The following POLR3A variants were observed in gnomAD, a reference collection of about 807,000 sequenced individuals.
POLR3A encodes DNA-directed RNA polymerase III subunit RPC1.
Under a neutral mutation model 152.8 loss-of-function variants are expected in POLR3A, and 112 were observed. The observed-to-expected ratio is 0.73, with a 90% confidence interval of 0.63 to 0.86. The LOEUF is 0.86. Ranked by LOEUF, POLR3A falls within the 40% of genes least tolerant of loss-of-function variation. POLR3A has a pLI of 0.00. For synonymous variants in POLR3A, 615 were observed against 652.1 expected (o/e 0.94, Z 0.87); for missense variants, 1,385 against 1,743.1 (o/e 0.79, Z 3.66).
intron 20 of POLR3A, 59 bp from the exon 21 acceptor site, chr10:77,991,226 A>C (rs926912018): frequency 9.7e-6 from 9 of 928,388 alleles, no homozygotes; most frequent in Non-Finnish European, 1.6e-5. Flanking sequence ...AGGCGGTAGT[A>C]GATGAGAGAA....
chr10:77,985,834 A>C (rs1425175522), intron 23 of POLR3A, 69 bp downstream of exon 23: 5 of 1,157,570 alleles, frequency 4.3e-6, no homozygotes, highest in Non-Finnish European at 6.5e-6. Context: ...TTTTGTACAC[A>C]TGGGGAAACA....
chr10:77,991,274 T>G, intron 20 of POLR3A, 107 bp from the exon 21 acceptor site: 1 of 720,184 alleles, frequency 1.4e-6, no homozygotes, highest in Non-Finnish European at 2.5e-6. Context: ...AAGGTGAGCT[T>G]TTAGCAACCT....
intron 23 of POLR3A, 85 bp downstream of exon 23, chr10:77,985,818 G>T: frequency 1.0e-6 from 1 of 993,408 alleles, no homozygotes; most frequent in Non-Finnish European, 1.6e-6. Flanking sequence ...GTGAGCTGGT[G>T]CAGGGTTTTG....
At chr10:78,025,513 G>T (rs1328065856) in intron 3 of POLR3A, 109 bp downstream of exon 3, 2 of 1,011,072 alleles carry the variant, frequency 2.0e-6, no homozygotes, top group Non-Finnish European at 3.1e-6. Context: ...TAGTATAAAA[G>T]AGTCCCCTAG....
At chr10:78,018,845 C>A (rs1219323092) in intron 9 of POLR3A, among the ~76,000 whole-genome samples, 1 of 152,156 alleles carries the variant, frequency 6.6e-6, no homozygotes, top group Non-Finnish European at 1.5e-5. Context: ...CTTGGCCTCA[C>A]AAAGTGCTGG....
In POLR3A at chr10:78,013,667, C is replaced by A. The variant is rs1048632422; in HGVS notation, c.1555G>T (p.Ala519Ser). The A allele has an allele frequency of 6.2e-7, 1 of 1,613,972 alleles. No individual in the cohort carries two copies. The highest frequency in any genetic ancestry group is 1.3e-5 in the African/African-American group (1 of 74,900). The change falls in exon 11 of 31, where the codon GCC (alanine) becomes TCC (serine). Residue 519 changes from alanine (A) to serine (S), a missense_variant. By Grantham distance (99) the Ala-to-Ser change is moderately conservative (BLOSUM62 1). This residue lies in a region of POLR3A where 493 missense variants were observed against 647.5 expected (regional missense o/e 0.76). Coordinates refer to ENST00000372371, the MANE Select transcript of POLR3A (RefSeq NM_007055.4). ...LPQTEEAKAE[A>S]LVLMGTKANL... The stretch of plus-strand genomic sequence containing the variant: ...CTACATACCCCCATCAGAACAAGGG[C>A]CTCTGCTTTAGCTTCTTCTGTTTGA...
At chr10:78,014,982 G>T (rs945604338) in intron 10 of POLR3A, among the ~76,000 whole-genome samples, 7 of 152,126 alleles carry the variant, frequency 4.6e-5, no homozygotes, top group African/African-American at 1.7e-4. Flanking sequence ...GATAACAAAT[G>T]AATTAATTAG....
intron 1 of POLR3A, 75 bp downstream of exon 1, chr10:78,029,289 G>T: frequency 3.4e-6 from 5 of 1,491,688 alleles, no homozygotes; most frequent in Non-Finnish European, 3.7e-6. Flanking sequence ...CTCTGACCCT[G>T]CAAGACCCGG....
At chr10:77,993,548 T>C (rs1847270007) in intron 19 of POLR3A, among the ~76,000 whole-genome samples, 181 bp from the exon 20 acceptor site, 1 of 152,216 alleles carries the variant, frequency 6.6e-6, no homozygotes, top group Non-Finnish European at 1.5e-5. Flanking sequence ...AATGCCTTAC[T>C]AGCCTGTGCA....
intron 5 of POLR3A, 123 bp downstream of exon 5, chr10:78,024,426 C>A: frequency 2.2e-6 from 2 of 892,340 alleles, no homozygotes; most frequent in South Asian, 1.4e-5. Flanking sequence ...AACTGGACCT[C>A]TCATTTTGGA....
intron 16 of POLR3A, among the ~76,000 whole-genome samples, chr10:78,004,224 T>C (rs908921348): frequency 6.6e-6 from 1 of 151,690 alleles, no homozygotes; most frequent in Non-Finnish European, 1.5e-5. Flanking sequence ...GAGTGCTTCA[T>C]AAAACTATGA....
intron 30 of POLR3A, among the ~76,000 whole-genome samples, chr10:77,978,826 A>AATTTTTAT (rs1169491713): frequency 6.8e-6 from 1 of 146,602 alleles, no homozygotes; most frequent in Non-Finnish European, 1.5e-5. Flanking sequence ...GTGCCCAGCT[A>AATTTTTAT]ATTTTTATAT....
intron 1 of POLR3A, among the ~76,000 whole-genome samples, chr10:78,027,944 A>C (rs1331671440): frequency 6.6e-6 from 1 of 152,142 alleles, no homozygotes; most frequent in Admixed American, 6.5e-5. Context: ...ATTATATCTG[A>C]CTGGGCGCAG....
At chr10:77,978,026 A>G (rs1847105920) in intron 30 of POLR3A, among the ~76,000 whole-genome samples, 2 of 152,184 alleles carry the variant, frequency 1.3e-5, no homozygotes, top group African/African-American at 4.8e-5. Context: ...GCCTCCAAGA[A>G]AAGCAAACAA....
intron 1 of POLR3A, 59 bp from the exon 2 acceptor site, chr10:78,026,288 T>C: frequency 6.3e-7 from 1 of 1,588,478 alleles, no homozygotes; most frequent in South Asian, 1.1e-5. Context: ...AAATGTCTAT[T>C]ACATACATAG....
At chr10:77,986,515 A>T (rs1261370569) in intron 21 of POLR3A, among the ~76,000 whole-genome samples, 4 of 152,226 alleles carry the variant, frequency 2.6e-5, no homozygotes, top group African/African-American at 9.6e-5. Flanking sequence ...GACAGGTACG[A>T]CTGAAGCATT....
In POLR3A at chr10:78,024,567, A is replaced by T; in HGVS notation, c.627T>A (p.Pro209=). The change falls in exon 5 of 31, where the codon CCT becomes CCA. Residue 209 remains proline (P), a synonymous_variant. Transcript: ENST00000372371. ...TAIEHNKEVE[P]LLGRAQENLN... ...GGCTCACCTGTGCCCTTCCCAGCAG[A>T]GGCTCCACTTCTTTATTATGTTCAA... 1 of 1,613,718 alleles carries T rather than the reference A, an allele frequency of 6.2e-7. No individual in the cohort carries two copies. The highest frequency in any genetic ancestry group is 8.5e-7 in the Non-Finnish European group (1 of 1,180,004).
At chr10:78,018,723 C>T (rs1847549225) in intron 9 of POLR3A, among the ~76,000 whole-genome samples, 1 of 152,050 alleles carries the variant, frequency 6.6e-6, no homozygotes. Context: ...GCTGGGACTA[C>T]ATACGTGTGC....
At chr10:77,981,602 G>A (rs1340488224) in intron 28 of POLR3A, 43 bp from the exon 29 acceptor site, 2 of 1,610,996 alleles carry the variant, frequency 1.2e-6, no homozygotes, top group Non-Finnish European at 1.7e-6. Flanking sequence ...CCTTCCGGGA[G>A]GCCACTGCAA....
Sources: gnomAD v4.1 joint callset for allele counts (sites outside exome capture counted in the v4.1 genomes callset) on GRCh38, gnomAD v4.1.1 for gene constraint, gnomAD v4.1.1 regional missense constraint, MANE v1.5 for transcripts, NCBI Gene and HGNC (gene_info 2026-07-23, HGNC 2026-07-21) for gene names.